SAMSN1: variants seen among roughly 807,000 people sequenced by gnomAD.
SAMSN1 encodes the protein SAM domain, SH3 domain and nuclear localization signals 1, also known as SAM domain-containing protein SAMSN-1.
SAMSN1 carries 31 observed loss-of-function variants against 42.0 expected under a neutral mutation model. The ratio of observed to expected loss-of-function variants is 0.74; its 90% CI spans 0.55 to 1.00. The LOEUF (loss-of-function observed/expected upper bound fraction) is 1.00. Among genes scored for constraint, SAMSN1 ranks in the 50% least tolerant of loss-of-function variants. SAMSN1 has a pLI of 0.00. For synonymous variants in SAMSN1, 178 were observed against 151.9 expected (o/e 1.17, Z -1.26); for missense variants, 464 against 439.4 (o/e 1.06, Z -0.50).
At chr21:14,534,647 C>G (rs969442843) in intron 1 of SAMSN1, among the ~76,000 whole-genome samples, 1 of 151,998 alleles carries the variant, frequency 6.6e-6, no homozygotes, top group African/African-American at 2.4e-5. Context: ...TCCCAAGTAG[C>G]TGGGATTACA....
intron 1 of SAMSN1, among the ~76,000 whole-genome samples, chr21:14,643,725 C>T (rs1983650244): frequency 6.6e-6 from 1 of 152,182 alleles, no homozygotes; most frequent in East Asian, 1.9e-4. Context: ...CAGGTGAGCA[C>T]TCATAGTACC....
rs745867626 is a variant in SAMSN1 at position 14,510,355 on chromosome 21, C to A, written c.516G>T (p.Thr172=). The A allele has an allele frequency of 9.3e-6, 15 of 1,614,074 alleles. No individual in the cohort carries two copies. The South Asian group carries it at 1.5e-4, about 17-fold the overall frequency. Residue 172 remains threonine (T), a synonymous_variant, in exon 5 of 8, where the codon ACG becomes ACT. Coordinates refer to ENST00000400566, the MANE Select transcript of SAMSN1 (RefSeq NM_022136.5). The part of the protein sequence containing the change: ...GPFCGRARVH[T]DFTPSPYDTD... The stretch of plus-strand genomic sequence containing the variant: ...TGTCATAGGGACTTGGCGTGAAATC[C>A]GTATGCACTCTGGCACGGCCACAGA...
chr21:14,582,491 G>C lies in SAMSN1; in HGVS notation c.-92-3C>G, dbSNP rs1428615440. ...AATCAACGTGTCATCTTCATCTTCTGAATGACAAAGAAATAGGTTAAAAAC... is the reference window on the plus strand; with the variant it reads ...AATCAACGTGTCATCTTCATCTTCTCAATGACAAAGAAATAGGTTAAAAAC... On this transcript the variant is annotated splice_polypyrimidine_tract_variant and splice_region_variant and intron_variant, in intron 1 of 8. Transcript: ENST00000285670. The C allele has an allele frequency of 8.1e-6, 8 of 983,204 alleles. No individual in the cohort carries two copies. In the South Asian group the frequency reaches 1.2e-4, roughly 15 times the overall value. The allele number at this position is 983,204 out of a possible 1,614,324, so 60.9% of individuals were successfully genotyped here. A position where few individuals can be genotyped will look rare whatever the true frequency, so the allele number is the denominator to read the frequency against.
At chr21:14,602,193 C>A in intron 5 of SAMSN1, 1 of 399,928 alleles carries the variant, frequency 2.5e-6, no homozygotes. Context: ...TTTATTTAGT[C>A]TGTAAGACAT....
chr21:14,640,100 T>A (rs1214238575), intron 2 of SAMSN1, among the ~76,000 whole-genome samples: 4 of 152,192 alleles, frequency 2.6e-5, no homozygotes, highest in African/African-American at 9.6e-5. Context: ...ATATTGATGA[T>A]CTTATGTTCA....
rs1028575264 is a variant in SAMSN1, at chr21:14,500,591, G to T, written c.706C>A (p.Arg236=). 1.9e-6 allele frequency: 3 copies of T among 1,613,974 alleles called. No homozygotes were observed. The highest frequency in any genetic ancestry group is 1.3e-5 in the African/African-American group (1 of 74,966). ...TTGGATTTTTTGCTGTTACTCCTTC[G>T]GTTTGCCTTTATTTTCTTGGGGGCT... ...EAAPKKIKAN[R]RSNSKKSKTL... is the part of the protein sequence containing the mutation. The change falls in exon 6 of 8, where the codon CGA becomes AGA. Residue 236 remains arginine, a synonymous_variant. Coordinates refer to ENST00000400566, the MANE Select transcript of SAMSN1 (RefSeq NM_022136.5).
At chr21:14,559,079 A>G (rs1055626848) in intron 2 of SAMSN1, among the ~76,000 whole-genome samples, 1 of 152,200 alleles carries the variant, frequency 6.6e-6, no homozygotes, top group Admixed American at 6.5e-5. Context: ...TCTGAATATT[A>G]GAGCTTGACT....
intron 4 of SAMSN1, among the ~76,000 whole-genome samples, 183 bp downstream of exon 4, chr21:14,512,261 G>A (rs2122987641): frequency 6.6e-6 from 1 of 152,278 alleles, no homozygotes; most frequent in African/African-American, 2.4e-5. Context: ...CTATATGACT[G>A]TGTCAAATAT....
At chr21:14,491,117 A>G (rs1451440206) in intron 7 of SAMSN1, among the ~76,000 whole-genome samples, 1 of 152,240 alleles carries the variant, frequency 6.6e-6, no homozygotes, top group Non-Finnish European at 1.5e-5. Flanking sequence ...TGGAAAGTCA[A>G]GTTCATATTT....
chr21:14,505,906 G>T (rs180777214), intron 5 of SAMSN1, among the ~76,000 whole-genome samples: 1 of 152,182 alleles, frequency 6.6e-6, no homozygotes, highest in African/African-American at 2.4e-5. Context: ...CACTCTTTCA[G>T]ACTACAATGG....
chr21:14,652,725 A>G (rs1413166091), intron 1 of SAMSN1, among the ~76,000 whole-genome samples: 3 of 152,224 alleles, frequency 2.0e-5, no homozygotes, highest in East Asian at 3.9e-4. Flanking sequence ...AGAAAAAGAT[A>G]TAATCAACAA....
chr21:14,605,868 G>T (rs555730572), intron 5 of SAMSN1, among the ~76,000 whole-genome samples: 2 of 150,374 alleles, frequency 1.3e-5, no homozygotes, highest in East Asian at 3.9e-4. Context: ...TTGAGATGGA[G>T]TCTCACTCTG....
chr21:14,544,007 A>G (rs1213830035), intron 1 of SAMSN1, among the ~76,000 whole-genome samples: 1 of 152,122 alleles, frequency 6.6e-6, no homozygotes, highest in South Asian at 2.1e-4. Context: ...TCCTTTTTCT[A>G]TGAGCCTTTT....
chr21:14,575,126 C>T (rs1056372585), intron 2 of SAMSN1, among the ~76,000 whole-genome samples: 1 of 152,086 alleles, frequency 6.6e-6, no homozygotes, highest in Non-Finnish European at 1.5e-5. Context: ...TTAGGAGGCA[C>T]CTTACGTGAC....
intron 5 of SAMSN1, among the ~76,000 whole-genome samples, chr21:14,505,778 C>T (rs1987371651): frequency 6.6e-6 from 1 of 152,102 alleles, no homozygotes; most frequent in Admixed American, 6.5e-5. Context: ...ACATTCCATC[C>T]AACAACCTCA....
chr21:14,570,613 C>A (rs574826927), intron 2 of SAMSN1, among the ~76,000 whole-genome samples: 1 of 152,298 alleles, frequency 6.6e-6, no homozygotes, highest in East Asian at 1.9e-4. Context: ...ACTTTTGAAA[C>A]TGACATTTCT....
chr21:14,549,306 A>G (rs1600924606), upstream of SAMSN1, among the ~76,000 whole-genome samples: 1 of 152,146 alleles, frequency 6.6e-6, no homozygotes, highest in Non-Finnish European at 1.5e-5. Context: ...CATCAGGTTG[A>G]AGAATACAAT....
chr21:14,620,858 A>G (rs1235980931), intron 2 of SAMSN1, among the ~76,000 whole-genome samples: 3 of 152,250 alleles, frequency 2.0e-5, no homozygotes, highest in Non-Finnish European at 2.9e-5. Context: ...GTACAAACAC[A>G]TATGTAAATA....
intron 3 of SAMSN1, among the ~76,000 whole-genome samples, chr21:14,614,559 G>A (rs753374123): frequency 1.1e-4 from 16 of 152,086 alleles, no homozygotes; most frequent in Admixed American, 3.9e-4. Context: ...TGCTCGCTTC[G>A]GCAGCACAGA....
Sources: allele counts gnomAD v4.1 joint callset (sites outside exome capture counted in the v4.1 genomes callset), GRCh38; gene constraint gnomAD v4.1.1; transcripts MANE v1.5; gene names NCBI Gene and HGNC (gene_info 2026-07-23, HGNC 2026-07-21).